Variants in USP28 observed in about 807,000 individuals in gnomAD.
The protein encoded by USP28 is ubiquitin carboxyl-terminal hydrolase 28.
In USP28, 113 loss-of-function variants were observed where a neutral mutation model predicts 145.0. The ratio of observed to expected loss-of-function variants is 0.78; its 90% confidence interval spans 0.67 to 0.91. USP28 has a LOEUF of 0.91. USP28 is among the 40% of genes least tolerant of loss of function. The pLI is 0.00. For synonymous variants in USP28, 447 were observed against 450.9 expected (o/e 0.99, Z 0.11); for missense variants, 1,201 against 1,289.6 (o/e 0.93, Z 1.05).
In USP28 at chr11:113,822,458, C is replaced by CAGAGAGAGAGAGAGAGAG. The variant is rs10524675; in HGVS notation, c.1283+1129_1283+1146dup. The CAGAGAGAGAGAGAGAGAG allele has an allele frequency of 7.0e-4, 96 of 136,438 alleles. 2 individuals are homozygous for CAGAGAGAGAGAGAGAGAG. Among genetic ancestry groups the CAGAGAGAGAGAGAGAGAG allele is most frequent in the Middle Eastern group, 7.2e-3 (2 of 276 alleles). The allele number at this position is 136,438 out of a possible 1,614,324, so 8.5% of individuals were successfully genotyped here. A position where few individuals can be genotyped will look rare whatever the true frequency, so the allele number is the denominator to read the frequency against. Reference sequence around the variant, plus strand: ...AGCGACACTCCATCTTCAAAAAAAACAGAGAGAGAGAGAGAGAGAGAGAGA... The same window carrying CAGAGAGAGAGAGAGAGAG: ...AGCGACACTCCATCTTCAAAAAAAACAGAGAGAGAGAGAGAGAGAGAGAGAGAGAGAGAGAGAGAGAGA... On this transcript the variant is annotated intron_variant, in intron 12 of 24. Transcript: ENST00000003302.
chr11:113,823,960 G>A (rs145107033), intron 11 of USP28, among the ~76,000 whole-genome samples: 5 of 152,150 alleles, frequency 3.3e-5, no homozygotes, highest in Non-Finnish European at 5.9e-5. Context: ...CAAATGAAAG[G>A]CATGCAGATA....
chr11:113,854,478 T>C, intron 1 of USP28, 143 bp from the exon 2 acceptor site: 1 of 666,486 alleles, frequency 1.5e-6, no homozygotes, highest in Admixed American at 2.9e-5. Context: ...CTCGGCTCAC[T>C]GCAACCTCCG....
chr11:113,811,738 A>G (rs1211198996), intron 16 of USP28, among the ~76,000 whole-genome samples: 4 of 152,140 alleles, frequency 2.6e-5, no homozygotes, highest in Non-Finnish European at 4.4e-5. Flanking sequence ...GTGCAAAAAT[A>G]TATGTACTAT....
exon 15 of USP28, chr11:113,813,902 C>A: frequency 6.2e-7 from 1 of 1,612,900 alleles, no homozygotes; most frequent in Non-Finnish European, 8.5e-7. Context: ...AGGAGAGGAT[C>A]GCAGTACATC....
chr11:113,851,557 A>G (rs1229999564), intron 3 of USP28, among the ~76,000 whole-genome samples: 1 of 152,162 alleles, frequency 6.6e-6, no homozygotes, highest in African/African-American at 2.4e-5. Context: ...GCACTCTGGG[A>G]GGCTGAGGCG....
chr11:113,845,445 A>G (rs1945720217), intron 3 of USP28, among the ~76,000 whole-genome samples: 1 of 150,990 alleles, frequency 6.6e-6, no homozygotes, highest in Non-Finnish European at 1.5e-5. Flanking sequence ...CAAAAAAAAA[A>G]ATTAATAAAT....
chr11:113,823,675 T>A (rs760942264), exon 12 of USP28: 7 of 1,612,036 alleles, frequency 4.3e-6, no homozygotes, highest in Non-Finnish European at 5.9e-6. Context: ...TTATTTCGAA[T>A]AAGCTCCTTG....
chr11:113,829,437 G>A (rs1943734784), intron 9 of USP28, 92 bp from the exon 10 acceptor site: 3 of 1,490,288 alleles, frequency 2.0e-6, no homozygotes, highest in Admixed American at 4.0e-5. Flanking sequence ...TTTAAATTCA[G>A]CAACTTCCTG....
chr11:113,870,894 G>A (rs1948742943), intron 1 of USP28, among the ~76,000 whole-genome samples: 1 of 152,170 alleles, frequency 6.6e-6, no homozygotes, highest in Non-Finnish European at 1.5e-5. Flanking sequence ...CAAACAAGAG[G>A]AGGAAGGTGG....
chr11:113,808,747 A>T (rs967805718), intron 17 of USP28, among the ~76,000 whole-genome samples: 1 of 152,236 alleles, frequency 6.6e-6, no homozygotes, highest in Admixed American at 6.5e-5. Context: ...TAGGAAGATC[A>T]CCTTTGGAGA....
intron 3 of USP28, among the ~76,000 whole-genome samples, chr11:113,842,173 AC>A (rs2136199999): frequency 6.6e-6 from 1 of 152,340 alleles, no homozygotes; most frequent in South Asian, 2.1e-4. Flanking sequence ...CTAGTTAAGA[AC>A]GGTAAGAGAA....
At chr11:113,815,234 TCTC>T (rs1489610593) in exon 14 of USP28, 1 of 1,614,188 alleles carries the variant, frequency 6.2e-7, no homozygotes, top group Non-Finnish European at 8.5e-7. Flanking sequence ...ACAAAATTTA[TCTC>T]CTCATCTGTG....
At chr11:113,817,731 C>T in exon 13 of USP28, 1 of 1,614,184 alleles carries the variant, frequency 6.2e-7, no homozygotes, top group Non-Finnish European at 8.5e-7. Flanking sequence ...GTGTCACTTT[C>T]AGGTGGACAG....
At chr11:113,840,789 A>T in intron 4 of USP28, 32 bp from the exon 5 acceptor site, 1 of 1,589,560 alleles carries the variant, frequency 6.3e-7, no homozygotes, top group South Asian at 1.1e-5. Context: ...ACAGCAAAAA[A>T]GAAAATAGTT....
intron 4 of USP28, 46 bp downstream of exon 4, chr11:113,841,617 A>T: frequency 1.9e-5 from 25 of 1,292,370 alleles, no homozygotes; most frequent in Non-Finnish European, 2.8e-5. Flanking sequence ...TGCCTTTGAG[A>T]TACACACAAA....
intron 1 of USP28, among the ~76,000 whole-genome samples, chr11:113,868,668 C>G (rs1948526357): frequency 6.6e-6 from 1 of 152,140 alleles, no homozygotes; most frequent in African/African-American, 2.4e-5. Flanking sequence ...CGCCTGTAAT[C>G]CCAAAACTTT....
chr11:113,811,702 G>T (rs528565691), intron 16 of USP28, among the ~76,000 whole-genome samples: 2 of 149,934 alleles, frequency 1.3e-5, no homozygotes, highest in African/African-American at 4.9e-5. Context: ...AAAAAAGAAA[G>T]AAAAAATTTA....
At chr11:113,835,799 G>C (rs1944500709) in intron 5 of USP28, among the ~76,000 whole-genome samples, 1 of 152,186 alleles carries the variant, frequency 6.6e-6, no homozygotes, top group African/African-American at 2.4e-5. Context: ...AACCACATTA[G>C]GCTGGAAGTG....
At chr11:113,834,479 G>A in intron 5 of USP28, 144 bp from the exon 6 acceptor site, 6 of 558,480 alleles carry the variant, frequency 1.1e-5, no homozygotes, top group South Asian at 6.8e-5. Context: ...TTATTTCTAA[G>A]GAAATAATGG....
Sources: gnomAD v4.1 joint callset for allele counts (sites outside exome capture counted in the v4.1 genomes callset) on GRCh38, gnomAD v4.1.1 for gene constraint, MANE v1.5 for transcripts, NCBI Gene and HGNC (gene_info 2026-07-23, HGNC 2026-07-21) for gene names.